COL18A1: variants seen among roughly 807,000 people sequenced by gnomAD.
COL18A1 encodes the protein collagen alpha-1(XVIII) chain.
In COL18A1, 133 loss-of-function variants were observed where a neutral mutation model predicts 168.0. That is an observed-to-expected ratio of 0.79 (90% CI 0.69 to 0.91). The LOEUF is 0.91. COL18A1 is among the 40% of genes least tolerant of loss of function. The pLI is 0.00. For synonymous variants in COL18A1, 949 were observed against 809.0 expected (o/e 1.17, Z -2.94); for missense variants, 2,126 against 1,925.4 (o/e 1.10, Z -1.95).
chr21:45,479,853 G>A lies in COL18A1; in HGVS notation c.1249-49G>A, dbSNP rs748134155. 4.3e-5 allele frequency: 69 copies of A among 1,611,242 alleles called. No individual in the cohort carries two copies. In the South Asian group the frequency reaches 6.9e-4, roughly 16 times the overall value. On this transcript the variant is annotated intron_variant, in intron 9 of 41. Transcript: ENST00000651438. ...AGGAGCACTGAGAGTGCTGGGTGCGGCCCATGGTGGTGCCTTCCCTGACCG... is the reference window on the plus strand; with the variant it reads ...AGGAGCACTGAGAGTGCTGGGTGCGACCCATGGTGGTGCCTTCCCTGACCG...
chr21:45,477,120 G>A (rs150532985), intron 6 of COL18A1, among the ~76,000 whole-genome samples: 1 of 152,274 alleles, frequency 6.6e-6, no homozygotes, highest in Non-Finnish European at 1.5e-5. Context: ...AAGGCATTCT[G>A]GGGGGCCAGG....
At chr21:45,436,246 G>C (rs1346844265) in intron 2 of COL18A1, among the ~76,000 whole-genome samples, 1 of 152,126 alleles carries the variant, frequency 6.6e-6, no homozygotes, top group African/African-American at 2.4e-5. Flanking sequence ...CCTGGGCTGA[G>C]GAGACCCTCA....
Position 45,480,742 on chromosome 21 carries a change from C to T in COL18A1, c.1495C>T (p.Pro499Ser), listed in dbSNP as rs1782614153. The T allele has an allele frequency of 6.2e-7, 1 of 1,610,800 alleles. No homozygotes were observed. The highest frequency in any genetic ancestry group is 8.5e-7 in the Non-Finnish European group (1 of 1,179,912). Reference protein sequence around the residue: ...FPGPPGPPGVPGLPGEPGRFG... With the variant: ...FPGPPGPPGVSGLPGEPGRFG... ...TGGACCTCCCGGACCCCCCGGTGTC[C>T]CAGGCCTGCCCGGCGAGCCAGGCCG... The change falls in exon 13 of 42, where the codon CCA becomes TCA. Residue 499 changes from proline (P) to serine (S), a missense_variant. Transcript: ENST00000651438.
intron 6 of COL18A1, 150 bp downstream of exon 6, chr21:45,476,630 TTGTG>T (rs144504947): frequency 6.5e-5 from 65 of 1,006,860 alleles, no homozygotes; most frequent in Admixed American, 1.0e-4. Context: ...TGGCACGTGT[TTGTG>T]TGAAATATAT....
chr21:45,497,004 T>C (rs1314128869), intron 30 of COL18A1, 46 bp from the exon 31 acceptor site: 1 of 1,471,546 alleles, frequency 6.8e-7, no homozygotes, highest in African/African-American at 1.4e-5. Flanking sequence ...GTGGCCTCCA[T>C]TTCAGAACAT....
At chr21:45,454,510 CAT>C (rs1484148945) in intron 2 of COL18A1, among the ~76,000 whole-genome samples, 1 of 152,188 alleles carries the variant, frequency 6.6e-6, no homozygotes, top group Non-Finnish European at 1.5e-5. Context: ...TGAGGATGCA[CAT>C]GTGTGAACGT....
Position 45,489,472 on chromosome 21 carries a change from C to T in COL18A1, c.1924-14C>T, listed in dbSNP as rs772205179. The T allele has an allele frequency of 6.3e-7, 1 of 1,594,828 alleles. No homozygotes were observed. Among genetic ancestry groups the T allele is most frequent in the Non-Finnish European group, 8.5e-7 (1 of 1,170,278 alleles). On this transcript the variant is annotated splice_polypyrimidine_tract_variant and intron_variant, in intron 18 of 41. Transcript: ENST00000651438. ...GCCCCAGCAGGTGCTCACGGAGCCC[C>T]TTTTTTCACTTAGGGGGATCCTGGC...
intron 2 of COL18A1, among the ~76,000 whole-genome samples, chr21:45,451,656 C>A (rs1219711108): frequency 6.6e-6 from 1 of 152,196 alleles, no homozygotes; most frequent in Non-Finnish European, 1.5e-5. Context: ...CAGGAGCGCT[C>A]AGAGGGGAAG....
At chr21:45,488,542 G>A (rs2036193860) in intron 18 of COL18A1, 98 bp downstream of exon 18, 1 of 1,555,050 alleles carries the variant, frequency 6.4e-7, no homozygotes, top group Non-Finnish European at 8.9e-7. Flanking sequence ...CGGGTTTTCT[G>A]ATGGCAGGAG....
chr21:45,466,245 C>A lies in COL18A1; in HGVS notation c.107-1997C>A, dbSNP rs2035205495. ...AGCGGAGAGTCCCAGCCAGAGGTAC[C>A]CGCTGCTCTCCTGCGGGGAGGATGC... On this transcript the variant is annotated intron_variant, in intron 2 of 41. Transcript: ENST00000651438. Among the ~76,000 whole-genome samples, 4 of 152,172 alleles carry A rather than the reference C, an allele frequency of 2.6e-5. No individual in the cohort carries two copies. In the South Asian group the frequency reaches 8.3e-4, roughly 32 times the overall value.
At chr21:45,495,275 G>A in intron 28 of COL18A1, 83 bp from the exon 29 acceptor site, 2 of 1,195,434 alleles carry the variant, frequency 1.7e-6, no homozygotes, top group South Asian at 2.6e-5. Context: ...GGCCTGGCGT[G>A]GGGCTAACGG....
At chr21:45,494,097 C>A in intron 26 of COL18A1, 1 of 305,404 alleles carries the variant, frequency 3.3e-6, no homozygotes, top group Admixed American at 4.5e-5. Flanking sequence ...ACCGGCTCTC[C>A]CACTTTCAGA....
chr21:45,478,385 T>C (rs1018343258), intron 9 of COL18A1, 32 bp downstream of exon 9: 22 of 1,614,060 alleles, frequency 1.4e-5, no homozygotes, highest in Non-Finnish European at 1.9e-5. Context: ...ACCCCTGTGT[T>C]ATCTGTGATG....
intron 36 of COL18A1, 92 bp from the exon 37 acceptor site, chr21:45,505,746 T>G: frequency 4.6e-6 from 5 of 1,081,482 alleles, no homozygotes; most frequent in Non-Finnish European, 6.8e-6. Flanking sequence ...CTGCGGCCCC[T>G]GCCCAGCACC....
intron 2 of COL18A1, among the ~76,000 whole-genome samples, chr21:45,417,571 C>T (rs941024455): frequency 4.6e-5 from 7 of 152,216 alleles, no homozygotes; most frequent in Non-Finnish European, 7.3e-5. Context: ...TTTCTAGGAC[C>T]GCGGTCTCTC....
Position 45,486,934 on chromosome 21 carries a change from G to T in COL18A1, c.1775G>T (p.Gly592Val). ...CTGGCAGGAGCCCCCGGACCTGCTG[G>T]ACCACCAGGCCCCCCTGGGCCCCCT... ...SGLAGAPGPA[G>V]PPGPPGPPGP... Residue 592 changes from glycine to valine, a missense_variant, in exon 16 of 42, where the codon GGA (glycine) becomes GTA (valine). Coordinates refer to ENST00000651438, the MANE Select transcript of COL18A1 (RefSeq NM_001379500.1). The T allele has an allele frequency of 6.6e-7, 1 of 1,504,958 alleles. No homozygotes were observed. 93.2% of individuals were successfully genotyped at this position (1,504,958 alleles called of 1,614,324 possible). A position where few individuals can be genotyped will look rare whatever the true frequency, so the allele number is the denominator to read the frequency against.
chr21:45,497,820 G>A (rs2036593308), intron 32 of COL18A1, 159 bp downstream of exon 32: 4 of 956,414 alleles, frequency 4.2e-6, no homozygotes, highest in African/African-American at 1.6e-5. Context: ...GGGTTGATGG[G>A]GGCCTCATAG....
rs916642502 is a variant in COL18A1 at position 45,471,942 on chromosome 21, C to A, written c.652-1953C>A. On this transcript the variant is annotated intron_variant, in intron 3 of 41. Coordinates refer to ENST00000651438, the MANE Select transcript of COL18A1 (RefSeq NM_001379500.1). The surrounding 1 kb of genome is among the most constrained non-coding windows in gnomAD (Gnocchi z 4.4). ...TGCACTAGCGCCTCCTGCCCCACCC[C>A]CGGAGCCAGCGGCCACCACGGGCTC... 6.6e-6 allele frequency among the ~76,000 whole-genome samples: 1 copy of A among 152,220 alleles called. No homozygotes were observed. Among genetic ancestry groups the A allele is most frequent in the African/African-American group, 2.4e-5 (1 of 41,448 alleles).
intron 2 of COL18A1, among the ~76,000 whole-genome samples, chr21:45,460,617 C>T (rs1049596738): frequency 6.6e-6 from 1 of 152,232 alleles, no homozygotes; most frequent in Non-Finnish European, 1.5e-5. Context: ...CCTCTTGCTC[C>T]TTTAGTCAAA....
Sources: allele counts gnomAD v4.1 joint callset (sites outside exome capture counted in the v4.1 genomes callset), GRCh38; gene constraint gnomAD v4.1.1; non-coding constraint Gnocchi (gnomAD v3.1); transcripts MANE v1.5; gene names NCBI Gene and HGNC (gene_info 2026-07-23, HGNC 2026-07-21).